Variants in DOCK4 observed in about 807,000 individuals in gnomAD.
DOCK4 encodes dedicator of cytokinesis 4, also known as dedicator of cytokinesis protein 4.
DOCK4 carries 97 observed loss-of-function variants against 268.1 expected under a neutral mutation model. That is an observed-to-expected ratio of 0.36 (90% CI 0.31 to 0.43). The LOEUF is 0.43. Ranked by LOEUF, DOCK4 falls within the 20% of genes least tolerant of loss-of-function variation. DOCK4 has a pLI of 1.00. For missense variants in DOCK4, 2,145 were observed against 2,455.7 expected, an observed-to-expected ratio of 0.87 and a Z score of 2.67; for synonymous variants, 954 against 887.2, an observed-to-expected ratio of 1.08 and a Z score of -1.34.
intron 1 of DOCK4, among the ~76,000 whole-genome samples, chr7:112,171,854 A>C (rs1440826250): frequency 6.6e-6 from 1 of 152,230 alleles, no homozygotes; most frequent in Non-Finnish European, 1.5e-5. Context: ...GGAGGCTGGA[A>C]GTCCAAGATC....
At chr7:112,152,398 T>C (rs1409573166) in intron 1 of DOCK4, among the ~76,000 whole-genome samples, 2 of 152,182 alleles carry the variant, frequency 1.3e-5, no homozygotes, top group African/African-American at 4.8e-5. Flanking sequence ...TGGATCCACA[T>C]GCCACACAGC....
intron 17 of DOCK4, 110 bp from the exon 18 acceptor site, chr7:111,872,674 T>C: frequency 1.2e-6 from 1 of 818,416 alleles, no homozygotes. Flanking sequence ...TCCCCTCTCC[T>C]AGCCACTCAA....
intron 15 of DOCK4, among the ~76,000 whole-genome samples, chr7:111,898,216 G>C (rs2134398550): frequency 6.6e-6 from 1 of 152,242 alleles, no homozygotes; most frequent in South Asian, 2.1e-4. Context: ...TGGTCTCCTT[G>C]CTATTCCTTG....
At chr7:111,896,653 C>A (rs1268041986) in intron 15 of DOCK4, among the ~76,000 whole-genome samples, 1 of 152,078 alleles carries the variant, frequency 6.6e-6, no homozygotes, top group African/African-American at 2.4e-5. Flanking sequence ...TATACTTGAA[C>A]AGACAAGTTC....
intron 1 of DOCK4, among the ~76,000 whole-genome samples, chr7:112,121,973 A>G (rs1467442190): frequency 6.6e-6 from 1 of 152,156 alleles, no homozygotes; most frequent in African/African-American, 2.4e-5. Flanking sequence ...TAAGTATTTG[A>G]TTTACATTTA....
chr7:112,039,151 AATC>A, intron 1 of DOCK4, among the ~76,000 whole-genome samples: 1 of 152,274 alleles, frequency 6.6e-6, no homozygotes, highest in East Asian at 1.9e-4. Flanking sequence ...GATCCCCCAG[AATC>A]ATCATCCATA....
chr7:112,057,552 A>G lies in DOCK4; in HGVS notation c.38-53421T>C, dbSNP rs544398013. ...GGTGACAAAACAAGACCCTGTCCCA[A>G]AAAATAAAAAAAAAAAAAATGAATA... On this transcript the variant is annotated intron_variant, in intron 1 of 52. Transcript: ENST00000428084. Among the ~76,000 whole-genome samples, 133 of 149,332 alleles carry G rather than the reference A, an allele frequency of 8.9e-4. No individual in the cohort carries two copies. In the Middle Eastern group the frequency reaches 0.014, roughly 15 times the overall value.
intron 1 of DOCK4, among the ~76,000 whole-genome samples, chr7:112,050,567 T>C (rs1344452489): frequency 6.6e-6 from 1 of 152,150 alleles, no homozygotes; most frequent in African/African-American, 2.4e-5. Flanking sequence ...GTCATTGATA[T>C]AAATGACTAA....
chr7:111,933,976 C>T (rs1794481140), intron 12 of DOCK4, among the ~76,000 whole-genome samples: 1 of 152,084 alleles, frequency 6.6e-6, no homozygotes, highest in African/African-American at 2.4e-5. Context: ...GTGCAAGGCT[C>T]TGAAAAAAGA....
rs192904425 is a variant in DOCK4 at position 112,028,339 on chromosome 7, T to C, written c.38-24208A>G. Reference sequence around the variant, plus strand: ...TGGTTTCTTATATCTTCCTTACATATTACTCTGAGAATACATATTCTTATT... The same window carrying C: ...TGGTTTCTTATATCTTCCTTACATACTACTCTGAGAATACATATTCTTATT... On this transcript the variant is annotated intron_variant, in intron 1 of 52. Transcript: ENST00000428084. Among the ~76,000 whole-genome samples the C allele has an allele frequency of 1.1e-4, 17 of 152,336 alleles. 1 individual carries two copies. The highest frequency in any genetic ancestry group is 5.9e-4 in the Admixed American group (9 of 15,302).
intron 17 of DOCK4, among the ~76,000 whole-genome samples, chr7:111,874,764 T>G (rs1479973848): frequency 2.6e-5 from 4 of 152,210 alleles, no homozygotes; most frequent in African/African-American, 9.6e-5. Context: ...CCTTAAAATC[T>G]CTACCTGTTC....
At chr7:111,925,708 T>G (rs1045053119) in intron 12 of DOCK4, among the ~76,000 whole-genome samples, 1 of 152,194 alleles carries the variant, frequency 6.6e-6, no homozygotes, top group African/African-American at 2.4e-5. Context: ...AGCTAGATAC[T>G]TACGCTATTA....
intron 5 of DOCK4, among the ~76,000 whole-genome samples, chr7:111,991,061 G>C (rs1799482432): frequency 6.6e-6 from 1 of 152,186 alleles, no homozygotes; most frequent in South Asian, 2.1e-4. Context: ...GCGCCTTTTT[G>C]AACTGATTGT....
chr7:111,992,865 T>C (rs893686342), intron 5 of DOCK4, among the ~76,000 whole-genome samples: 1 of 152,232 alleles, frequency 6.6e-6, no homozygotes, highest in Non-Finnish European at 1.5e-5. Context: ...TGCCCAATGT[T>C]ACTTTAAGTG....
intron 1 of DOCK4, among the ~76,000 whole-genome samples, chr7:112,170,128 G>C (rs556035278): frequency 3.3e-5 from 5 of 152,114 alleles, no homozygotes; most frequent in East Asian, 1.9e-4. Context: ...AAAGAGAAGA[G>C]AGAAAAAAAT....
In DOCK4 at chr7:111,893,773, A is replaced by C. The variant is rs541587881; in HGVS notation, c.1587+1839T>G. ...ATGAAGAGAGAACGTAAAGGCCAGAAACAGAAGGATTTGGCTGTTTTGTTT... is the reference window on the plus strand; with the variant it reads ...ATGAAGAGAGAACGTAAAGGCCAGACACAGAAGGATTTGGCTGTTTTGTTT... On this transcript the variant is annotated intron_variant, in intron 16 of 52. Coordinates refer to ENST00000428084, the MANE Select transcript of DOCK4 (RefSeq NM_001363540.2). 1.3e-5 allele frequency among the ~76,000 whole-genome samples: 2 copies of C among 152,228 alleles called. 1 individual carries two copies. The highest frequency in any genetic ancestry group is 4.1e-4 in the South Asian group (2 of 4,828).
chr7:111,784,115 A>G lies in DOCK4; in HGVS notation c.3410T>C (p.Leu1137Pro). 3 of 1,578,020 alleles carry G rather than the reference A, an allele frequency of 1.9e-6. No homozygotes were observed. Among genetic ancestry groups the G allele is most frequent in the Non-Finnish European group, 2.6e-6 (3 of 1,167,468 alleles). ...GTCTTACCTAGGATAGGGACCAAAT[A>G]GTGGAATTCTAATCCAGGAAGCATT... ...YRELFNSIIP[L>P]FGPYPSLLKK... Residue 1137 changes from leucine to proline, a missense_variant, in exon 33 of 53, where the codon CTA (leucine) becomes CCA (proline). Transcript: ENST00000428084.
intron 1 of DOCK4, among the ~76,000 whole-genome samples, chr7:112,125,518 G>A (rs1278366360): frequency 6.6e-6 from 1 of 152,164 alleles, no homozygotes; most frequent in Admixed American, 6.5e-5. Flanking sequence ...ACCATGCAGA[G>A]AACGGCCTTT....
At chr7:111,907,969 C>A (rs191071754) in intron 13 of DOCK4, among the ~76,000 whole-genome samples, 48 of 152,220 alleles carry the variant, frequency 3.2e-4, no homozygotes, top group African/African-American at 1.1e-3. Flanking sequence ...GTCAAGCAAT[C>A]CACCATCCTT....
Sources: gnomAD v4.1 joint callset for allele counts (sites outside exome capture counted in the v4.1 genomes callset) on GRCh38, gnomAD v4.1.1 for gene constraint, MANE v1.5 for transcripts, NCBI Gene and HGNC (gene_info 2026-07-23, HGNC 2026-07-21) for gene names.